MANF: variants seen among roughly 807,000 people sequenced by gnomAD.
The protein encoded by MANF is mesencephalic astrocyte-derived neurotrophic factor.
In MANF, 9 loss-of-function variants were observed where a neutral mutation model predicts 19.1. That is an observed-to-expected ratio of 0.47 (90% CI 0.28 to 0.82). The LOEUF is 0.82. MANF is among the 40% of genes least tolerant of loss of function. MANF has a pLI of 0.10. For synonymous variants in MANF, 89 were observed against 88.0 expected (o/e 1.01, Z -0.06); for missense variants, 225 against 226.7 (o/e 0.99, Z 0.05).
chr3:51,385,310 C>CGGAGGAGGA lies in MANF; in HGVS notation c.-17_-9dup, dbSNP rs1553620634. On this transcript the variant is annotated 5_prime_UTR_variant, in exon 1 of 4. It adds an upstream start codon to the 5' untranslated region. Transcript: ENST00000528157. ...CGGTTCAGTCGGTCGGCGGCGGCAG[C>CGGAGGAGGA]GGAGGAGGAGGAGGAGGAGGAGGAT... is the stretch of plus-strand genomic sequence containing the variant. 1,960 of 1,154,548 alleles carry CGGAGGAGGA rather than the reference C, an allele frequency of 1.7e-3. 6 individuals are homozygous for CGGAGGAGGA. Among genetic ancestry groups the CGGAGGAGGA allele is most frequent in the Admixed American group, 2.3e-3 (55 of 23,424 alleles). The allele number at this position is 1,154,548 out of a possible 1,614,324, so 71.5% of individuals were successfully genotyped here.
intron 3 of MANF, 32 bp from the exon 4 acceptor site, chr3:51,388,873 C>T: frequency 6.6e-7 from 1 of 1,509,094 alleles, no homozygotes; most frequent in Non-Finnish European, 8.9e-7. Context: ...GTGCTCCACC[C>T]AGTCAGTGAC....
intron 2 of MANF, chr3:51,386,821 GC>G: frequency 6.6e-6 from 3 of 456,176 alleles, no homozygotes; most frequent in South Asian, 4.7e-5. Flanking sequence ...ATAGGCAAGG[GC>G]CGAATCCAAG....
At chr3:51,386,807 C>A in intron 2 of MANF, 1 of 452,650 alleles carries the variant, frequency 2.2e-6, no homozygotes. Context: ...AGGGTGCCTA[C>A]AGGATAGGCA....
At chr3:51,388,245 T>C (rs1346766449) in intron 3 of MANF, among the ~76,000 whole-genome samples, 2 of 152,204 alleles carry the variant, frequency 1.3e-5, no homozygotes, top group South Asian at 2.1e-4. Flanking sequence ...AGGGACATAG[T>C]ACGACTTGGG....
chr3:51,387,913 T>G (rs782676380), intron 3 of MANF, 35 bp downstream of exon 3: 5 of 1,607,212 alleles, frequency 3.1e-6, no homozygotes, highest in Non-Finnish European at 4.3e-6. Context: ...ATGAATGCTG[T>G]GCACCTTCTG....
At chr3:51,388,080 G>C (rs1385660071) in intron 3 of MANF, among the ~76,000 whole-genome samples, 1 of 152,212 alleles carries the variant, frequency 6.6e-6, no homozygotes, top group African/African-American at 2.4e-5. Flanking sequence ...AGCAAACTTT[G>C]AAGGAGGTGA....
chr3:51,389,247 C>G lies in MANF; in HGVS notation c.*158C>G, dbSNP rs2088997409. On this transcript the variant is annotated 3_prime_UTR_variant, in exon 4 of 4. Transcript: ENST00000528157. ...CTGATGATGCTGGCCCTACAGTACCCCCATGAGGGGATTCCCTTCCTTCTG... is the reference window on the plus strand; with the variant it reads ...CTGATGATGCTGGCCCTACAGTACCGCCATGAGGGGATTCCCTTCCTTCTG... The G allele has an allele frequency of 1.7e-6, 1 of 598,490 alleles. No homozygotes were observed. 37.1% of individuals were successfully genotyped at this position (598,490 alleles called of 1,614,324 possible).
chr3:51,385,334 ATG>A lies in MANF; in HGVS notation c.-8_-7del. The A allele has an allele frequency of 1.8e-6, 2 of 1,085,462 alleles. No homozygotes were observed. The highest frequency in any genetic ancestry group is 1.2e-6 in the Non-Finnish European group (1 of 859,556). The allele number at this position is 1,085,462 out of a possible 1,614,324, so 67.2% of individuals were successfully genotyped here. On this transcript the variant is annotated 5_prime_UTR_variant, in exon 1 of 4. The change abolishes an upstream ATG in the 5' untranslated region. Coordinates refer to ENST00000528157, the MANE Select transcript of MANF (RefSeq NM_006010.6). The stretch of plus-strand genomic sequence containing the variant: ...GCGGAGGAGGAGGAGGAGGAGGAGG[ATG>A]AGGAGGATGAGGAGGATGTGGGCCA...
In MANF at chr3:51,388,899, C is replaced by T; in HGVS notation, c.365-6C>T. 1 of 1,559,490 alleles carries T rather than the reference C, an allele frequency of 6.4e-7. No homozygotes were observed. The highest frequency in any genetic ancestry group is 8.7e-7 in the Non-Finnish European group (1 of 1,152,514). On this transcript the variant is annotated splice_polypyrimidine_tract_variant and splice_region_variant and intron_variant, in intron 3 of 3. Coordinates refer to ENST00000528157, the MANE Select transcript of MANF (RefSeq NM_006010.6). ...AGTCAGTGACTCTCCCTGCTCTCTC[C>T]TCCAGACAAGCAGATCGACCTGAGC...
At position 51,388,895 on chromosome 3, in the gene MANF, TCTC is replaced by T. The variant is rs2088990669; in HGVS notation, c.365-5_365-3del. The stretch of plus-strand genomic sequence containing the variant: ...ACCCAGTCAGTGACTCTCCCTGCTC[TCTC>T]CTCCAGACAAGCAGATCGACCTGAG... On this transcript the variant is annotated splice_polypyrimidine_tract_variant and splice_region_variant and intron_variant, in intron 3 of 3. Transcript: ENST00000528157. 1.3e-6 allele frequency: 2 copies of T among 1,554,888 alleles called. No individual in the cohort carries two copies. Among genetic ancestry groups the T allele is most frequent in the Admixed American group, 2.0e-5 (1 of 51,010 alleles).
Position 51,389,385 on chromosome 3 carries a change from C to G in MANF, c.*296C>G. 1 of 334,770 alleles carries G rather than the reference C, an allele frequency of 3.0e-6. No homozygotes were observed. The highest frequency in any genetic ancestry group is 8.1e-4 in the Middle Eastern group (1 of 1,238). 20.7% of individuals were successfully genotyped at this position (334,770 alleles called of 1,614,324 possible). A position where few individuals can be genotyped will look rare whatever the true frequency, so the allele number is the denominator to read the frequency against. On this transcript the variant is annotated 3_prime_UTR_variant, in exon 4 of 4. Transcript: ENST00000528157. ...TGAATACCAAAATGGGGTTTTGCCC[C>G]AGGAGGCTCCTACCAGTTTCTGCTT... is the stretch of plus-strand genomic sequence containing the variant.
In MANF at chr3:51,386,294, A is replaced by T. The variant is rs370992047; in HGVS notation, c.181A>T (p.Ile61Leu). Residue 61 changes from isoleucine to leucine, a missense_variant, in exon 2 of 4, where the codon ATA (isoleucine) becomes TTA (leucine). Transcript: ENST00000528157. Reference protein sequence around the residue: ...FSPATIENELIKFCREARGKE... With the variant: ...FSPATIENELLKFCREARGKE... Reference sequence around the variant, plus strand: ...ACCAGCCACTATTGAAAACGAACTTATAAAGTTCTGCCGGGAAGCAAGAGG... The same window carrying T: ...ACCAGCCACTATTGAAAACGAACTTTTAAAGTTCTGCCGGGAAGCAAGAGG... The T allele has an allele frequency of 1.9e-6, 3 of 1,613,854 alleles. No individual in the cohort carries two copies. The African/African-American group carries it at 4.0e-5, about 22-fold the overall frequency.
rs1454966908 is a variant in MANF, at chr3:51,387,894, C to T, written c.364+16C>T. The T allele has an allele frequency of 1.2e-6, 2 of 1,612,330 alleles. No homozygotes were observed. The highest frequency in any genetic ancestry group is 1.7e-5 in the Admixed American group (1 of 59,958). On this transcript the variant is annotated intron_variant, in intron 3 of 3. Coordinates refer to ENST00000528157, the MANE Select transcript of MANF (RefSeq NM_006010.6). ...CTTAAGTATGGTGAGTATGCCTAGT[C>T]CTTTCTTAATGAATGCTGTGCACCT... is the stretch of plus-strand genomic sequence containing the variant.
rs373026430 is a variant in MANF at position 51,389,122 on chromosome 3, A to G, written c.*33A>G. 6 of 1,584,116 alleles carry G rather than the reference A, an allele frequency of 3.8e-6. No homozygotes were observed. The highest frequency in any genetic ancestry group is 2.7e-5 in the African/African-American group (2 of 73,500). ...AATCTCTGTTGCACCTGAGGGGGAA[A>G]AAACAGTTCAACTGCTTACTCCCAA... On this transcript the variant is annotated 3_prime_UTR_variant, in exon 4 of 4. Coordinates refer to ENST00000528157, the MANE Select transcript of MANF (RefSeq NM_006010.6).
chr3:51,385,331 A>G lies in MANF; in HGVS notation c.-12A>G, dbSNP rs1215430493. On this transcript the variant is annotated 5_prime_UTR_variant, in exon 1 of 4. Coordinates refer to ENST00000528157, the MANE Select transcript of MANF (RefSeq NM_006010.6). ...GCAGCGGAGGAGGAGGAGGAGGAGG[A>G]GGATGAGGAGGATGAGGAGGATGTG... 3.6e-6 allele frequency: 4 copies of G among 1,096,418 alleles called. No homozygotes were observed. The highest frequency in any genetic ancestry group is 4.4e-5 in the Admixed American group (1 of 22,704). 67.9% of individuals were successfully genotyped at this position (1,096,418 alleles called of 1,614,324 possible).
chr3:51,388,247 C>T (rs1318840617), intron 3 of MANF, among the ~76,000 whole-genome samples: 3 of 152,146 alleles, frequency 2.0e-5, no homozygotes, highest in African/African-American at 7.2e-5. Flanking sequence ...GGACATAGTA[C>T]GACTTGGGTT....
rs73837443 is a variant in MANF, at chr3:51,388,885, C to A, written c.365-20C>A. The A allele has an allele frequency of 0.041, 63,513 of 1,541,878 alleles. 5,701 individuals are homozygous for A. The highest frequency in any genetic ancestry group is 0.33 in the East Asian group (13,301 of 40,866). ...CAGGTGCTCCACCCAGTCAGTGACT[C>A]TCCCTGCTCTCTCCTCCAGACAAGC... is the stretch of plus-strand genomic sequence containing the variant. On this transcript the variant is annotated intron_variant, in intron 3 of 3. Coordinates refer to ENST00000528157, the MANE Select transcript of MANF (RefSeq NM_006010.6).
chr3:51,388,557 C>T (rs1301152650), intron 3 of MANF, among the ~76,000 whole-genome samples: 2 of 152,192 alleles, frequency 1.3e-5, no homozygotes, highest in African/African-American at 4.8e-5. Flanking sequence ...AGCAGGGCTG[C>T]TCTTTGGCAC....
At chr3:51,385,464 C>T in intron 1 of MANF, 28 bp downstream of exon 1, 3 of 1,207,780 alleles carry the variant, frequency 2.5e-6, no homozygotes, top group South Asian at 8.3e-5. Flanking sequence ...GGGGGCCGCG[C>T]TCCGTGACCG....
Sources: gnomAD v4.1 joint callset for allele counts (sites outside exome capture counted in the v4.1 genomes callset) on GRCh38, gnomAD v4.1.1 for gene constraint, MANE v1.5 for transcripts, NCBI Gene and HGNC (gene_info 2026-07-23, HGNC 2026-07-21) for gene names.